The following PTK2 variants were observed in gnomAD, a reference collection of about 807,000 sequenced individuals.
PTK2 encodes focal adhesion kinase 1.
In PTK2, 45 loss-of-function variants were observed where a neutral mutation model predicts 150.1. That is an observed-to-expected ratio of 0.30 (90% confidence interval 0.24 to 0.38). The LOEUF is 0.38. PTK2 is among the 10% of genes least tolerant of loss of function. The pLI is 1.00. For synonymous variants in PTK2, 432 were observed against 449.2 expected (o/e 0.96, Z 0.48); for missense variants, 919 against 1,307.3 (o/e 0.70, Z 4.58).
chr8:140,948,138 C>T (rs977288121), intron 1 of PTK2, among the ~76,000 whole-genome samples: 10 of 152,086 alleles, frequency 6.6e-5, no homozygotes, highest in African/African-American at 2.4e-4. Context: ...ATCAGACATA[C>T]AGGGAATACC....
At chr8:140,748,954 A>G (rs1434221272) in intron 17 of PTK2, among the ~76,000 whole-genome samples, 1 of 152,246 alleles carries the variant, frequency 6.6e-6, no homozygotes, top group Non-Finnish European at 1.5e-5. Context: ...GGAAATTAGA[A>G]TAACAGAAGT....
rs986412518 is a variant in PTK2 at position 140,933,198 on chromosome 8, A to C, written c.-121-7449T>G. 1.6e-3 allele frequency among the ~76,000 whole-genome samples: 247 copies of C among 152,304 alleles called. 1 individual carries two copies. Among genetic ancestry groups the C allele is most frequent in the African/African-American group, 5.7e-3 (235 of 41,576 alleles). ...TCTCTAACAACAGTAATGAAAAAAA[A>C]AAAAAAGACTTGAGATTTCTAAATC... is the stretch of plus-strand genomic sequence containing the variant. On this transcript the variant is annotated intron_variant, in intron 1 of 31. Coordinates refer to ENST00000522684, the Ensembl canonical transcript of PTK2.
intron 1 of PTK2, among the ~76,000 whole-genome samples, chr8:140,981,929 A>C (rs1362145942): frequency 2.0e-5 from 3 of 152,184 alleles, no homozygotes; most frequent in African/African-American, 7.2e-5. Flanking sequence ...TTCTTGAAGA[A>C]GGTAGAGATT....
At chr8:140,897,287 C>T (rs1385987050) in intron 2 of PTK2, among the ~76,000 whole-genome samples, 1 of 151,874 alleles carries the variant, frequency 6.6e-6, no homozygotes, top group Non-Finnish European at 1.5e-5. Context: ...TAAAGATAAA[C>T]TTTTGTTACA....
intron 1 of PTK2, among the ~76,000 whole-genome samples, chr8:140,936,647 C>T (rs755611712): frequency 5.9e-5 from 9 of 152,074 alleles, no homozygotes; most frequent in Non-Finnish European, 1.0e-4. Flanking sequence ...TTAACCTTCA[C>T]ACCTCCACCA....
At chr8:140,816,819 C>A (rs555888809) in intron 10 of PTK2, among the ~76,000 whole-genome samples, 1 of 152,128 alleles carries the variant, frequency 6.6e-6, no homozygotes, top group Non-Finnish European at 1.5e-5. Flanking sequence ...CCAATGAGTG[C>A]GAAAATAGTA....
intron 5 of PTK2, among the ~76,000 whole-genome samples, chr8:140,860,179 C>G (rs1022132590): frequency 6.6e-6 from 1 of 152,178 alleles, no homozygotes; most frequent in East Asian, 1.9e-4. Context: ...AAATTTGAAA[C>G]TCAGTACAAC....
chr8:140,855,747 A>T (rs780762727), intron 5 of PTK2, among the ~76,000 whole-genome samples: 6 of 152,230 alleles, frequency 3.9e-5, no homozygotes, highest in Non-Finnish European at 4.4e-5. Context: ...AGAGACAGAA[A>T]GTAGAATGGT....
intron 10 of PTK2, among the ~76,000 whole-genome samples, chr8:140,812,312 A>C (rs1341939757): frequency 6.6e-6 from 1 of 152,206 alleles, no homozygotes; most frequent in Non-Finnish European, 1.5e-5. Flanking sequence ...AGCTTCATAA[A>C]TAAAGGAGAT....
At chr8:140,801,712 T>A (rs2100095128) in intron 11 of PTK2, among the ~76,000 whole-genome samples, 1 of 152,212 alleles carries the variant, frequency 6.6e-6, no homozygotes, top group Non-Finnish European at 1.5e-5. Flanking sequence ...ACTATTATAA[T>A]CACATAATAA....
chr8:140,665,042 ATTTTTATGCTTTTCAGTTATATAT>A, intron 30 of PTK2, 45 bp from the exon 35 acceptor site: 7 of 1,507,916 alleles, frequency 4.6e-6, no homozygotes, highest in Non-Finnish European at 6.4e-6. Context: ...CACACAAAGG[ATTTTTATGCTTTTCAGTTATATAT>A]TTTTTTATTT....
intron 2 of PTK2, among the ~76,000 whole-genome samples, chr8:140,915,398 T>A (rs560306684): frequency 6.6e-6 from 1 of 152,122 alleles, no homozygotes; most frequent in East Asian, 1.9e-4. Flanking sequence ...CCAAGCCACA[T>A]ACATACATAG....
At chr8:140,725,500 A>C (rs1003270825) in intron 22 of PTK2, among the ~76,000 whole-genome samples, 2 of 152,222 alleles carry the variant, frequency 1.3e-5, no homozygotes, top group Non-Finnish European at 1.5e-5. Flanking sequence ...CCCACTTTTC[A>C]GTGGCCATTA....
chr8:140,905,221 C>T (rs2100160366), intron 2 of PTK2, among the ~76,000 whole-genome samples: 1 of 152,100 alleles, frequency 6.6e-6, no homozygotes, highest in South Asian at 2.1e-4. Flanking sequence ...TTAAAAGACA[C>T]AGACTGGCAA....
At position 140,761,412 on chromosome 8, in the gene PTK2, A is replaced by G. The variant is rs910240240; in HGVS notation, c.1235-150T>C. ...GCTTTAAACACAGTGGAATTCTCTTAAACAATATTTTAACAGGAATTCATG... is the reference window on the plus strand; with the variant it reads ...GCTTTAAACACAGTGGAATTCTCTTGAACAATATTTTAACAGGAATTCATG... On this transcript the variant is annotated intron_variant, in intron 15 of 31. Coordinates refer to ENST00000522684, the Ensembl canonical transcript of PTK2. The G allele has an allele frequency of 5.6e-6, 4 of 713,108 alleles. No individual in the cohort carries two copies. The African/African-American group carries it at 7.0e-5, about 12-fold the overall frequency. 44.2% of individuals were successfully genotyped at this position (713,108 alleles called of 1,614,324 possible).
chr8:140,996,359 G>A lies in PTK2; in HGVS notation c.-122+4766C>T, dbSNP rs576032146. On this transcript the variant is annotated intron_variant, in intron 1 of 31. Coordinates refer to ENST00000522684, the Ensembl canonical transcript of PTK2. ...AGATGAAGCAGCAAGTGCTGGTGGA[G>A]AAGCTGCAGCAAGTTATCGAGAAGA... Among the ~76,000 whole-genome samples, 4 of 152,356 alleles carry A rather than the reference G, an allele frequency of 2.6e-5. No homozygotes were observed. In the East Asian group the frequency reaches 7.7e-4, roughly 29 times the overall value.
chr8:140,907,897 A>G (rs2100161619), intron 2 of PTK2, among the ~76,000 whole-genome samples: 1 of 149,874 alleles, frequency 6.7e-6, no homozygotes, highest in Admixed American at 6.7e-5. Flanking sequence ...GAGACACAAT[A>G]ATACTGAAAT....
At chr8:140,772,084 C>T (rs971434182) in intron 14 of PTK2, among the ~76,000 whole-genome samples, 13 of 152,178 alleles carry the variant, frequency 8.5e-5, no homozygotes, top group South Asian at 2.1e-4. Flanking sequence ...CCACCGCGCC[C>T]GGCCGATCCC....
intron 5 of PTK2, among the ~76,000 whole-genome samples, chr8:140,856,264 A>C (rs2100132524): frequency 6.6e-6 from 1 of 152,224 alleles, no homozygotes; most frequent in Non-Finnish European, 1.5e-5. Context: ...ACAACTGTAA[A>C]GGATCAAAGG....
Sources: gnomAD v4.1 joint callset for allele counts (sites outside exome capture counted in the v4.1 genomes callset) on GRCh38, gnomAD v4.1.1 for gene constraint, MANE v1.5 for transcripts, NCBI Gene and HGNC (gene_info 2026-07-23, HGNC 2026-07-21) for gene names.